Variants in COLGALT2 observed in about 807,000 individuals in gnomAD.
COLGALT2 encodes collagen beta(1-O)galactosyltransferase 2.
A neutral mutation model predicts 73.4 loss-of-function variants in COLGALT2; 49 were observed. The ratio of observed to expected loss-of-function variants is 0.67; its 90% CI spans 0.53 to 0.85. The LOEUF (loss-of-function observed/expected upper bound fraction) is 0.85. COLGALT2 is among the 40% of genes least tolerant of loss of function. The pLI is 0.00. For synonymous variants in COLGALT2, 295 were observed against 307.6 expected (o/e 0.96, Z 0.43); for missense variants, 722 against 790.2 (o/e 0.91, Z 1.03).
intron 1 of COLGALT2, among the ~76,000 whole-genome samples, chr1:184,017,273 CTTCA>C (rs1197308795): frequency 6.6e-6 from 1 of 152,142 alleles, no homozygotes; most frequent in Non-Finnish European, 1.5e-5. Flanking sequence ...ATTGTATTCA[CTTCA>C]TTATCAAGTA....
At chr1:184,013,010 A>G (rs1391445619) in intron 1 of COLGALT2, among the ~76,000 whole-genome samples, 1 of 152,196 alleles carries the variant, frequency 6.6e-6, no homozygotes, top group African/African-American at 2.4e-5. Flanking sequence ...ATAATTAAGA[A>G]TAGTTATAAG....
At position 183,945,519 on chromosome 1, in the gene COLGALT2, C is replaced by G. The variant is rs1318484750; in HGVS notation, c.1182G>C (p.Leu394=). ...SQLKALNIEM[L]PGYRDPYSSR... Reference sequence around the variant, plus strand: ...AGGAATAGGGATCTCGATAGCCAGGCAGCATTTCAATATTCAGTGCCTTCA... The same window carrying G: ...AGGAATAGGGATCTCGATAGCCAGGGAGCATTTCAATATTCAGTGCCTTCA... Residue 394 remains leucine, a synonymous_variant, in exon 9 of 12, where the codon CTG becomes CTC. Coordinates refer to ENST00000361927, the MANE Select transcript of COLGALT2 (RefSeq NM_015101.4). 2.8e-5 allele frequency: 46 copies of G among 1,614,064 alleles called. No homozygotes were observed. Among genetic ancestry groups the G allele is most frequent in the Non-Finnish European group, 3.8e-5 (45 of 1,180,040 alleles).
chr1:183,947,518 A>T (rs1186962028), intron 8 of COLGALT2, among the ~76,000 whole-genome samples: 1 of 152,224 alleles, frequency 6.6e-6, no homozygotes, highest in Non-Finnish European at 1.5e-5. Flanking sequence ...TGGGTCAAAG[A>T]AGAAATTGCA....
intron 1 of COLGALT2, among the ~76,000 whole-genome samples, chr1:184,028,995 T>G (rs1215344791): frequency 2.0e-5 from 3 of 152,222 alleles, no homozygotes; most frequent in Non-Finnish European, 2.9e-5. Flanking sequence ...CCTAGCAAGA[T>G]GTCATGGAGC....
At chr1:183,964,875 C>T (rs1670823733) in intron 5 of COLGALT2, among the ~76,000 whole-genome samples, 1 of 152,174 alleles carries the variant, frequency 6.6e-6, no homozygotes, top group South Asian at 2.1e-4. Flanking sequence ...CGCCATGTAT[C>T]CAAGCCTCTG....
At chr1:184,000,516 C>T (rs1464058639) in intron 1 of COLGALT2, among the ~76,000 whole-genome samples, 7 of 151,800 alleles carry the variant, frequency 4.6e-5, no homozygotes, top group Non-Finnish European at 7.4e-5. Context: ...AATATTGTTA[C>T]GTCATATTTT....
At position 184,017,800 on chromosome 1, in the gene COLGALT2, G is replaced by C. The variant is rs376562338; in HGVS notation, c.263+19295C>G. Among the ~76,000 whole-genome samples, 3 of 152,306 alleles carry C rather than the reference G, an allele frequency of 2.0e-5. No individual in the cohort carries two copies. In the East Asian group the frequency reaches 5.8e-4, roughly 29 times the overall value. ...CACTTCTGGGCCTGGGCAGGTCACT[G>C]TTTTGTCCTAAGCATGGCACTCCGG... On this transcript the variant is annotated intron_variant, in intron 1 of 11. Transcript: ENST00000361927.
In COLGALT2 at chr1:183,989,798, C is replaced by A. The variant is rs568228540; in HGVS notation, c.264-11278G>T. 2.0e-5 allele frequency among the ~76,000 whole-genome samples: 3 copies of A among 152,324 alleles called. No homozygotes were observed. In the South Asian group the frequency reaches 6.2e-4, roughly 32 times the overall value. On this transcript the variant is annotated intron_variant, in intron 1 of 11. Coordinates refer to ENST00000361927, the MANE Select transcript of COLGALT2 (RefSeq NM_015101.4). The stretch of plus-strand genomic sequence containing the variant: ...AATGAATTTACTTGAACTCTCTGTG[C>A]TTTGTTTTTCCATCTGTAAAATGGG...
In COLGALT2 at chr1:183,969,464, T is replaced by C. The variant is rs759053812; in HGVS notation, c.637A>G (p.Lys213Glu). The C allele has an allele frequency of 6.2e-7, 1 of 1,609,198 alleles. No individual in the cohort carries two copies. Among genetic ancestry groups the C allele is most frequent in the Non-Finnish European group, 8.5e-7 (1 of 1,177,872 alleles). ...ATCTGAACGTAGTCTGGGGTCCTCT[T>C]ATAGAAGCCCTGTAAAAGAGCAAAT... Reference protein sequence around the residue: ...WCGITPKGFYKRTPDYVQIRE... With the variant: ...WCGITPKGFYERTPDYVQIRE... The change falls in exon 5 of 12, where the codon AAG becomes GAG. Residue 213 changes from lysine to glutamate, a missense_variant. Lys to Glu is a moderately conservative substitution (Grantham distance 56). Transcript: ENST00000361927.
chr1:183,970,706 G>A (rs1296043729), intron 4 of COLGALT2, among the ~76,000 whole-genome samples: 1 of 152,096 alleles, frequency 6.6e-6, no homozygotes, highest in Non-Finnish European at 1.5e-5. Context: ...CTGAAAAATG[G>A]GATAACAGCT....
rs375818438 is a variant in COLGALT2, at chr1:183,938,005, G to A, written c.*756C>T. The A allele has an allele frequency of 1.0e-6, 1 of 985,300 alleles. No individual in the cohort carries two copies. Among genetic ancestry groups the A allele is most frequent in the African/African-American group, 1.7e-5 (1 of 57,222 alleles). The allele number at this position is 985,300 out of a possible 1,614,324, so 61.0% of individuals were successfully genotyped here. A position where few individuals can be genotyped will look rare whatever the true frequency, so the allele number is the denominator to read the frequency against. On this transcript the variant is annotated 3_prime_UTR_variant, in exon 12 of 12. Transcript: ENST00000361927. ...TTATAAATAGAGCATCCTGACTCGA[G>A]TGGCCATAATAAAAAAGCCAAACAT...
chr1:183,976,410 A>C (rs917248496), intron 2 of COLGALT2, among the ~76,000 whole-genome samples: 1 of 150,010 alleles, frequency 6.7e-6, no homozygotes, highest in African/African-American at 2.4e-5. Flanking sequence ...ATTCTTACAT[A>C]TAGAAAGACT....
At chr1:183,945,684 C>T (rs1670231298) in intron 8 of COLGALT2, 120 bp from the exon 9 acceptor site, 16 of 1,199,512 alleles carry the variant, frequency 1.3e-5, no homozygotes, top group Middle Eastern at 2.9e-4. Context: ...GACAGAGAGG[C>T]TTCCCTTTAT....
intron 1 of COLGALT2, among the ~76,000 whole-genome samples, chr1:183,981,458 G>T (rs957533148): frequency 6.6e-6 from 1 of 151,236 alleles, no homozygotes; most frequent in African/African-American, 2.4e-5. Flanking sequence ...TTTGAGACCA[G>T]CCTGATCTAC....
At chr1:184,017,007 T>C (rs567799506) in intron 1 of COLGALT2, among the ~76,000 whole-genome samples, 2 of 152,328 alleles carry the variant, frequency 1.3e-5, no homozygotes, top group South Asian at 2.1e-4. Context: ...GCCATTTCAC[T>C]GTGTTGATGA....
At chr1:184,020,269 A>G (rs1004698730) in intron 1 of COLGALT2, among the ~76,000 whole-genome samples, 6 of 152,228 alleles carry the variant, frequency 3.9e-5, no homozygotes, top group African/African-American at 1.2e-4. Flanking sequence ...TATAATAAAC[A>G]AGAGTTAACA....
chr1:183,999,647 G>A (rs6701930), intron 1 of COLGALT2, among the ~76,000 whole-genome samples: 17,131 of 152,006 alleles, frequency 0.11, 1,523 homozygotes, highest in East Asian at 0.43. Context: ...TTATAAAAAC[G>A]TGCAGGATTT....
chr1:183,957,239 T>A (rs898423410), intron 6 of COLGALT2, among the ~76,000 whole-genome samples: 5 of 152,186 alleles, frequency 3.3e-5, no homozygotes, highest in African/African-American at 1.2e-4. Flanking sequence ...TGTATGAGTG[T>A]CTCTATTTTT....
At position 184,037,249 on chromosome 1, in the gene COLGALT2, C is replaced by T. The variant is rs1227239990; in HGVS notation, c.109G>A (p.Asp37Asn). The T allele has an allele frequency of 1.3e-6, 2 of 1,578,246 alleles. No homozygotes were observed. The highest frequency in any genetic ancestry group is 1.7e-6 in the Non-Finnish European group (2 of 1,164,184). Reference protein sequence around the residue: ...ARFVAERDSEDDGEEPVVFPE... With the variant: ...ARFVAERDSENDGEEPVVFPE... The stretch of plus-strand genomic sequence containing the variant: ...AAAACCACCGGCTCCTCTCCGTCGT[C>T]CTCCGAGTCCCGCTCGGCGACGAAG... The change falls in exon 1 of 12, where the codon GAC becomes AAC. Residue 37 changes from aspartate (D) to asparagine (N), a missense_variant. Asp to Asn is a conservative substitution (Grantham distance 23). Transcript: ENST00000361927.
Sources: allele counts gnomAD v4.1 joint callset (sites outside exome capture counted in the v4.1 genomes callset), GRCh38; gene constraint gnomAD v4.1.1; transcripts MANE v1.5; gene names NCBI Gene and HGNC (gene_info 2026-07-23, HGNC 2026-07-21).